Variants in PTPRF observed in about 807,000 individuals in gnomAD.
The protein encoded by PTPRF is protein tyrosine phosphatase receptor type F.
A neutral mutation model predicts 201.8 loss-of-function variants in PTPRF; 59 were observed. That is an observed-to-expected ratio of 0.29 (90% CI 0.24 to 0.36). The LOEUF is 0.36. PTPRF is among the 10% of genes least tolerant of loss of function. The probability of loss-of-function intolerance (pLI) is 1.00; values close to 1 mark genes in which losing one functional copy is unlikely to be tolerated. For missense variants in PTPRF, 2,132 were observed against 2,690.5 expected, an observed-to-expected ratio of 0.79 and a Z score of 4.59; for synonymous variants, 1,088 against 1,089.7, an observed-to-expected ratio of 1.00 and a Z score of 0.03.
At chr1:43,613,510 T>C in intron 22 of PTPRF, 108 bp from the exon 23 acceptor site, 1 of 912,114 alleles carries the variant, frequency 1.1e-6, no homozygotes, top group Non-Finnish European at 1.8e-6. Flanking sequence ...TTCCAAGTGC[T>C]CCATGGTCAC....
chr1:43,560,243 A>T (rs1370118161), intron 5 of PTPRF, among the ~76,000 whole-genome samples: 3 of 150,158 alleles, frequency 2.0e-5, no homozygotes, highest in African/African-American at 7.4e-5. Context: ...GTGTGTGTGC[A>T]GCAGGCAGTG....
At chr1:43,581,965 C>G (rs906098704) in intron 7 of PTPRF, among the ~76,000 whole-genome samples, 1 of 152,222 alleles carries the variant, frequency 6.6e-6, no homozygotes, top group African/African-American at 2.4e-5. Context: ...AGTGGCACCC[C>G]TCAGTCAAAA....
rs1194974725 is a variant in PTPRF at position 43,591,879 on chromosome 1, G to T, written c.1599G>T (p.Leu533=). Residue 533 remains leucine, a synonymous_variant, in exon 10 of 34, where the codon CTG becomes CTT. Coordinates refer to ENST00000359947, the MANE Select transcript of PTPRF (RefSeq NM_002840.5). ...ACACCAGGATCCAGCTCTCGTGGCT[G>T]CTGCCCCCTCAGGAGCGGATCATCA... is the stretch of plus-strand genomic sequence containing the variant. ...ESDTRIQLSW[L]LPPQERIIMY... The T allele has an allele frequency of 2.5e-6, 4 of 1,613,504 alleles. No homozygotes were observed. Among genetic ancestry groups the T allele is most frequent in the Non-Finnish European group, 3.4e-6 (4 of 1,180,024 alleles).
At chr1:43,612,502 A>G (rs1397124752) in intron 22 of PTPRF, among the ~76,000 whole-genome samples, 2 of 152,166 alleles carry the variant, frequency 1.3e-5, no homozygotes. Context: ...GAGCCCCCCA[A>G]GGCTGCCGAG....
chr1:43,599,235 C>G (rs1338186633), intron 13 of PTPRF, among the ~76,000 whole-genome samples: 1 of 152,176 alleles, frequency 6.6e-6, no homozygotes, highest in East Asian at 1.9e-4. Flanking sequence ...GCCACTGCGC[C>G]TAGCCAATTT....
chr1:43,620,154 G>A lies in PTPRF; in HGVS notation c.5171G>A (p.Trp1724Ter). 1 of 1,614,104 alleles carries A rather than the reference G, an allele frequency of 6.2e-7. No individual in the cohort carries two copies. Among genetic ancestry groups the A allele is most frequent in the Non-Finnish European group, 8.5e-7 (1 of 1,179,970 alleles). ...GPLAESTEDF[W>*]RMLWEHNSTI... ...CTGGCAGAGAGCACCGAGGACTTCT[G>A]GCGCATGCTATGGGAGCACAATTCC... The change falls in exon 30 of 34, where the codon TGG becomes TAG. Residue 1724 changes from tryptophan (W) to a stop codon, truncating the protein, a stop_gained. Transcript: ENST00000359947. LOFTEE classifies it high-confidence loss of function.
At chr1:43,552,331 C>T (rs1317821326) in intron 3 of PTPRF, among the ~76,000 whole-genome samples, 1 of 152,198 alleles carries the variant, frequency 6.6e-6, no homozygotes, top group East Asian at 1.9e-4. Flanking sequence ...GTTTGACAGT[C>T]AAACATGCCT....
rs549585500 is a variant in PTPRF at position 43,607,595 on chromosome 1, T to C, written c.3857+627T>C. On this transcript the variant is annotated intron_variant, in intron 21 of 33. Transcript: ENST00000359947. ...GAAAGGGATTTCCAAAGATTTAACT[T>C]TGTCACTCTCAGTTTAAAACCTTTT... Among the ~76,000 whole-genome samples the C allele has an allele frequency of 5.3e-5, 8 of 152,344 alleles. No homozygotes were observed. In the South Asian group the frequency reaches 1.0e-3, roughly 20 times the overall value.
intron 19 of PTPRF, 127 bp downstream of exon 19, chr1:43,605,749 G>T: frequency 1.1e-6 from 1 of 909,946 alleles, no homozygotes; most frequent in Non-Finnish European, 1.7e-6. Flanking sequence ...CTTCTGGCTG[G>T]CAGCCCGCCC....
In PTPRF at chr1:43,614,453, A is replaced by G. The variant is rs589990; in HGVS notation, c.4071+738A>G. Among the ~76,000 whole-genome samples, 715 of 152,326 alleles carry G rather than the reference A, an allele frequency of 4.7e-3. 8 individuals carry two copies. Among genetic ancestry groups the G allele is most frequent in the African/African-American group, 0.016 (683 of 41,594 alleles). On this transcript the variant is annotated intron_variant, in intron 23 of 33. Coordinates refer to ENST00000359947, the MANE Select transcript of PTPRF (RefSeq NM_002840.5). ...GAGCCTGCTGGGGGCTGAGCCTTCA[A>G]GAGTCTGAGGGTTTCCCACCCACAG... is the stretch of plus-strand genomic sequence containing the variant.
Position 43,588,952 on chromosome 1 carries a change from A to T in PTPRF, c.901A>T (p.Ile301Phe). ...CTCTGCCAACTACACCTGTGTGGCCATCTCCTCGCTGGGCATGATCGAGGC... is the reference window on the plus strand; with the variant it reads ...CTCTGCCAACTACACCTGTGTGGCCTTCTCCTCGCTGGGCATGATCGAGGC... ...VRSANYTCVA[I>F]SSLGMIEATA... The change falls in exon 8 of 34, where the codon ATC becomes TTC. Residue 301 changes from isoleucine (I) to phenylalanine (F), a missense_variant. Ile to Phe is a conservative substitution (Grantham distance 21). This residue lies in a region of PTPRF where 297 missense variants were observed against 454.0 expected (regional missense o/e 0.65). Coordinates refer to ENST00000359947, the MANE Select transcript of PTPRF (RefSeq NM_002840.5). This position sits in a 1 kb window ranked among gnomAD's most constrained non-coding sequence, Gnocchi z 5.3. The T allele has an allele frequency of 6.3e-7, 1 of 1,586,660 alleles. No homozygotes were observed. Among genetic ancestry groups the T allele is most frequent in the Non-Finnish European group, 8.6e-7 (1 of 1,161,674 alleles).
chr1:43,605,455 A>C lies in PTPRF; in HGVS notation c.3389+12A>C. ...CCCTCGCTTGTCAGGTGTGCACACG[A>C]GGTATCGGGGGAGGCGGGGCAGGGC... is the stretch of plus-strand genomic sequence containing the variant. On this transcript the variant is annotated intron_variant, in intron 18 of 33. Transcript: ENST00000359947. 1.2e-6 allele frequency: 2 copies of C among 1,610,134 alleles called. No individual in the cohort carries two copies. Among genetic ancestry groups the C allele is most frequent in the Non-Finnish European group, 1.7e-6 (2 of 1,176,720 alleles).
Position 43,619,821 on chromosome 1 carries a change from T to A in PTPRF, c.5074T>A (p.Ser1692Thr), listed in dbSNP as rs1188744998. 1 of 1,614,096 alleles carries A rather than the reference T, an allele frequency of 6.2e-7. No individual in the cohort carries two copies. Among genetic ancestry groups the A allele is most frequent in the Non-Finnish European group, 8.5e-7 (1 of 1,180,028 alleles). Reference protein sequence around the residue: ...CLQPIRGVEGSDYINASFLDG... With the variant: ...CLQPIRGVEGTDYINASFLDG... Reference sequence around the variant, plus strand: ...GCAGCCCATCCGTGGTGTGGAGGGCTCTGACTACATCAATGCCAGCTTCCT... The same window carrying A: ...GCAGCCCATCCGTGGTGTGGAGGGCACTGACTACATCAATGCCAGCTTCCT... The change falls in exon 29 of 34, where the codon TCT (serine) becomes ACT (threonine). Residue 1692 changes from serine (S) to threonine (T), a missense_variant. By Grantham distance (58) the Ser-to-Thr change is moderately conservative. This residue lies in a region of PTPRF where 519 missense variants were observed against 659.5 expected (regional missense o/e 0.79). Transcript: ENST00000359947.
intron 17 of PTPRF, 52 bp from the exon 18 acceptor site, chr1:43,605,138 G>A (rs1029534061): frequency 3.4e-5 from 54 of 1,575,824 alleles, no homozygotes; most frequent in African/African-American, 5.4e-5. Context: ...CTTGCAGCCC[G>A]TGGTAGGGAA....
At chr1:43,594,352 G>A (rs894948218) in intron 11 of PTPRF, among the ~76,000 whole-genome samples, 1 of 133,062 alleles carries the variant, frequency 7.5e-6, no homozygotes, top group African/African-American at 3.2e-5. Context: ...ACAGGCCTCC[G>A]GGAGAGTCTG....
intron 21 of PTPRF, among the ~76,000 whole-genome samples, chr1:43,608,315 G>A (rs1022155854): frequency 1.3e-5 from 2 of 152,160 alleles, no homozygotes; most frequent in African/African-American, 2.4e-5. Flanking sequence ...CTTGTCTTTC[G>A]GGACCTAGTA....
chr1:43,545,451 T>A (rs1035508212), intron 3 of PTPRF, among the ~76,000 whole-genome samples: 14 of 152,106 alleles, frequency 9.2e-5, no homozygotes, highest in African/African-American at 3.1e-4. Flanking sequence ...CATTGTGTGA[T>A]GTGCGCGTGT....
In PTPRF at chr1:43,603,479, A is replaced by G. The variant is rs200312726; in HGVS notation, c.2404A>G (p.Thr802Ala). 49 of 1,613,912 alleles carry G rather than the reference A, an allele frequency of 3.0e-5. No homozygotes were observed. In the African/African-American group the frequency reaches 5.2e-4, roughly 17 times the overall value. The change falls in exon 15 of 34, where the codon ACC becomes GCC. Residue 802 changes from threonine (T) to alanine (A), a missense_variant. By Grantham distance (58) the Thr-to-Ala change is moderately conservative. Transcript: ENST00000359947. This position sits in a 1 kb window ranked among gnomAD's most constrained non-coding sequence, Gnocchi z 5.8. The stretch of plus-strand genomic sequence containing the variant: ...CTCCGTTACTGTTGCTGCCTATACC[A>G]CCAAGGGGGATGGTGCCCGCAGCAA... ...TYSVTVAAYT[T>A]KGDGARSKPK... is the part of the protein sequence containing the mutation.
chr1:43,613,567 A>G (rs1164468039), intron 22 of PTPRF, 51 bp from the exon 23 acceptor site: 1 of 1,467,730 alleles, frequency 6.8e-7, no homozygotes, highest in Admixed American at 1.7e-5. Flanking sequence ...TCTCTGCCAC[A>G]CTGCTCAAGC....
Sources: gnomAD v4.1 joint callset for allele counts (sites outside exome capture counted in the v4.1 genomes callset) on GRCh38, gnomAD v4.1.1 for gene constraint, gnomAD v4.1.1 regional missense constraint, Gnocchi (gnomAD v3.1) non-coding constraint, MANE v1.5 for transcripts, NCBI Gene and HGNC (gene_info 2026-07-23, HGNC 2026-07-21) for gene names.